Variants in CBFA2T3 observed in about 807,000 individuals in gnomAD.
CBFA2T3 encodes CBFA2/RUNX1 partner transcriptional co-repressor 3.
CBFA2T3 carries 31 observed loss-of-function variants against 58.6 expected under a neutral mutation model. The ratio of observed to expected loss-of-function variants is 0.53; its 90% CI spans 0.40 to 0.71. The LOEUF is 0.71. Among genes scored for constraint, CBFA2T3 ranks in the 30% least tolerant of loss-of-function variants. The pLI, the probability that CBFA2T3 is intolerant of heterozygous loss-of-function variation, is 0.00. For synonymous variants in CBFA2T3, 531 were observed against 421.9 expected (o/e 1.26, Z -3.17); for missense variants, 1,076 against 963.1 (o/e 1.12, Z -1.55).
At chr16:88,971,764 G>A (rs571843794) in intron 1 of CBFA2T3, among the ~76,000 whole-genome samples, 18 of 152,336 alleles carry the variant, frequency 1.2e-4, no homozygotes, top group Non-Finnish European at 1.8e-4. Flanking sequence ...CCTGGCCGAC[G>A]TCTCCTCGGA....
At chr16:88,881,621 G>T (rs1047929811) in intron 8 of CBFA2T3, 132 bp from the exon 9 acceptor site, 1 of 884,748 alleles carries the variant, frequency 1.1e-6, no homozygotes, top group Non-Finnish European at 1.7e-6. Context: ...GAGTAAGGGG[G>T]TGAGGGAGGG....
chr16:88,905,290 T>G (rs893855540), intron 1 of CBFA2T3, among the ~76,000 whole-genome samples: 1 of 152,024 alleles, frequency 6.6e-6, no homozygotes, highest in Non-Finnish European at 1.5e-5. Context: ...ATGACACCCA[T>G]CTCCCTGCTC....
In CBFA2T3 at chr16:88,976,599, C is replaced by T. The variant is rs1187340136; in HGVS notation, c.151+58G>A. On this transcript the variant is annotated intron_variant, in intron 1 of 11. Transcript: ENST00000268679. ...CGCGAAGCTCTAAGGAGTCACAGCCCCGGCACCGGCTGCCGCTCTCTGCCC... is the reference window on the plus strand; with the variant it reads ...CGCGAAGCTCTAAGGAGTCACAGCCTCGGCACCGGCTGCCGCTCTCTGCCC... The T allele has an allele frequency of 3.7e-6, 5 of 1,353,098 alleles. No homozygotes were observed. The South Asian group carries it at 5.2e-5, about 14-fold the overall frequency. The allele number at this position is 1,353,098 out of a possible 1,614,324, so 83.8% of individuals were successfully genotyped here.
intron 5 of CBFA2T3, among the ~76,000 whole-genome samples, chr16:88,888,703 C>T (rs915286694): frequency 5.4e-5 from 8 of 149,232 alleles, no homozygotes; most frequent in Non-Finnish European, 1.0e-4. Flanking sequence ...CAGGACTGGC[C>T]GCAAGATCTT....
At chr16:88,923,445 C>A (rs2142743057) in intron 1 of CBFA2T3, among the ~76,000 whole-genome samples, 1 of 152,332 alleles carries the variant, frequency 6.6e-6, no homozygotes, top group South Asian at 2.1e-4. Context: ...GCCTCTCAGA[C>A]CTTTGGCCAC....
At chr16:88,895,104 G>A (rs570496384) in intron 3 of CBFA2T3, among the ~76,000 whole-genome samples, 2 of 152,272 alleles carry the variant, frequency 1.3e-5, no homozygotes, top group Admixed American at 1.3e-4. Flanking sequence ...CCCCTTTCTG[G>A]GCTGCGTCCC....
intron 7 of CBFA2T3, chr16:88,883,130 G>A (rs911156368): frequency 6.0e-6 from 2 of 334,960 alleles, no homozygotes; most frequent in Non-Finnish European, 1.2e-5. Context: ...AGCTGGAGCA[G>A]TGTCCTCAGC....
intron 3 of CBFA2T3, among the ~76,000 whole-genome samples, chr16:88,895,662 C>G (rs1379964875): frequency 6.6e-6 from 1 of 152,200 alleles, no homozygotes; most frequent in African/African-American, 2.4e-5. Context: ...GGGCCCAGCG[C>G]TCACTCTGCT....
chr16:88,939,676 G>A (rs1318458111), intron 1 of CBFA2T3: 2 of 152,392 alleles, frequency 1.3e-5, no homozygotes, highest in African/African-American at 2.4e-5. Context: ...GCCCAGACTG[G>A]AGCGGGGGCA....
At chr16:88,926,777 T>C (rs1227249832) in intron 1 of CBFA2T3, among the ~76,000 whole-genome samples, 4 of 152,214 alleles carry the variant, frequency 2.6e-5, no homozygotes, top group African/African-American at 9.7e-5. Flanking sequence ...TGGGAATTCC[T>C]CCTCTGGATT....
At chr16:88,916,228 G>GTGTA (rs77959724) in intron 1 of CBFA2T3, among the ~76,000 whole-genome samples, 56,259 of 149,006 alleles carry the variant, frequency 0.38, 11,090 homozygotes, top group African/African-American at 0.48. Context: ...ATACATGTGG[G>GTGTA]TGTGTGTATT....
chr16:88,911,959 C>T (rs908602501), intron 1 of CBFA2T3, among the ~76,000 whole-genome samples: 2 of 152,250 alleles, frequency 1.3e-5, no homozygotes, highest in African/African-American at 4.8e-5. Context: ...CCACCGGCTG[C>T]CATCACCAAC....
At chr16:88,925,324 C>T (rs12931490) in intron 1 of CBFA2T3, among the ~76,000 whole-genome samples, 1 of 152,238 alleles carries the variant, frequency 6.6e-6, no homozygotes, top group African/African-American at 2.4e-5. Flanking sequence ...CTCTGCTGCT[C>T]CCTCCTGAGC....
At chr16:88,882,304 G>C (rs1209136062) in intron 8 of CBFA2T3, among the ~76,000 whole-genome samples, 4 of 152,220 alleles carry the variant, frequency 2.6e-5, no homozygotes, top group African/African-American at 9.6e-5. Flanking sequence ...GGCTGTGTGG[G>C]GACATGGCTG....
chr16:88,891,777 T>C lies in CBFA2T3; in HGVS notation c.711+105A>G, dbSNP rs1014832564. ...TTCATCCACCTGCCTATCTGGCCAC[T>C]TAAGCCCCTTCCCGCCTGTCCACCG... On this transcript the variant is annotated intron_variant, in intron 5 of 11. Coordinates refer to ENST00000268679, the MANE Select transcript of CBFA2T3 (RefSeq NM_005187.6). The C allele has an allele frequency of 2.6e-5, 20 of 776,208 alleles. No individual in the cohort carries two copies. In the African/African-American group the frequency reaches 3.0e-4, roughly 11 times the overall value. 48.1% of individuals were successfully genotyped at this position (776,208 alleles called of 1,614,324 possible).
intron 4 of CBFA2T3, 47 bp downstream of exon 4, chr16:88,892,197 A>C (rs748301797): frequency 6.3e-7 from 1 of 1,576,484 alleles, no homozygotes; most frequent in Non-Finnish European, 8.6e-7. Flanking sequence ...CATTAAACGG[A>C]GGGAATATGC....
At position 88,880,771 on chromosome 16, in the gene CBFA2T3, G is replaced by A. The variant is rs1567573297; in HGVS notation, c.1420C>T (p.Leu474=). 6.3e-7 allele frequency: 1 copy of A among 1,585,272 alleles called. No individual in the cohort carries two copies. The highest frequency in any genetic ancestry group is 8.6e-7 in the Non-Finnish European group (1 of 1,165,412). The change falls in exon 10 of 12, where the codon CTG becomes TTG. Residue 474 remains leucine, a synonymous_variant. Coordinates refer to ENST00000268679, the MANE Select transcript of CBFA2T3 (RefSeq NM_005187.6). Reference sequence around the variant, plus strand: ...ACGTAGCCGGTGAGGGTCCTCGGCAGGAACTCGCGAGGCACGTCTGAAACA... The same window carrying A: ...ACGTAGCCGGTGAGGGTCCTCGGCAAGAACTCGCGAGGCACGTCTGAAACA... ...GPQLDVPREF[L]PRTLTGYVPE...
chr16:88,972,161 C>T (rs1039179140), intron 1 of CBFA2T3, among the ~76,000 whole-genome samples: 3 of 146,832 alleles, frequency 2.0e-5, no homozygotes, highest in East Asian at 2.2e-4. Flanking sequence ...GGGGAAGGAG[C>T]GGAGCATTCC....
At chr16:88,910,307 G>A (rs138446611) in intron 1 of CBFA2T3, among the ~76,000 whole-genome samples, 1,892 of 152,096 alleles carry the variant, frequency 0.012, 8 homozygotes, top group East Asian at 0.021. Context: ...CTCCCCTCCT[G>A]TCACCGGCTC....
Sources: gnomAD v4.1 joint callset for allele counts (sites outside exome capture counted in the v4.1 genomes callset) on GRCh38, gnomAD v4.1.1 for gene constraint, MANE v1.5 for transcripts, NCBI Gene and HGNC (gene_info 2026-07-23, HGNC 2026-07-21) for gene names.